The following RALYL variants were observed in gnomAD, a reference collection of about 807,000 sequenced individuals.
RALYL encodes RALY RNA binding protein like.
Under a neutral mutation model 35.1 loss-of-function variants are expected in RALYL, and 29 were observed. The observed-to-expected ratio is 0.83, with a 90% CI of 0.61 to 1.13. The LOEUF is 1.13. Ranked by LOEUF, RALYL falls within the 50% of genes most tolerant of loss-of-function variation. The probability of loss-of-function intolerance (pLI) is 0.00; values close to 1 mark genes in which losing one functional copy is unlikely to be tolerated. For synonymous variants in RALYL, 120 were observed against 127.6 expected, an observed-to-expected ratio of 0.94 and a Z score of 0.40; for missense variants, 359 against 360.4, an observed-to-expected ratio of 1.00 and a Z score of 0.03.
intron 1 of RALYL, among the ~76,000 whole-genome samples, chr8:84,358,864 G>A (rs192309975): frequency 6.6e-6 from 1 of 152,168 alleles, no homozygotes; most frequent in African/African-American, 2.4e-5. Flanking sequence ...AACTATATGT[G>A]AGGTAGTATT....
intron 5 of RALYL, among the ~76,000 whole-genome samples, chr8:84,857,440 A>G (rs1837282553): frequency 6.6e-6 from 1 of 152,282 alleles, no homozygotes; most frequent in Admixed American, 6.5e-5. Context: ...GGTAAATACC[A>G]GAAAATGTTT....
intron 2 of RALYL, among the ~76,000 whole-genome samples, chr8:84,724,010 CAGTG>C (rs1425493027): frequency 6.6e-6 from 1 of 151,692 alleles, no homozygotes; most frequent in Non-Finnish European, 1.5e-5. Context: ...AGTAGGATCT[CAGTG>C]AGTATTTGAT....
At chr8:84,590,100 GACATC>G (rs1812907180) in intron 2 of RALYL, among the ~76,000 whole-genome samples, 1 of 152,094 alleles carries the variant, frequency 6.6e-6, no homozygotes, top group Non-Finnish European at 1.5e-5. Context: ...TCTTTAAAGA[GACATC>G]AGATCATCAA....
chr8:84,619,418 C>G (rs988731756), intron 2 of RALYL, among the ~76,000 whole-genome samples: 1 of 148,756 alleles, frequency 6.7e-6, no homozygotes, highest in African/African-American at 2.5e-5. Flanking sequence ...ATTGCAACCC[C>G]TGCCTTTTTT....
intron 7 of RALYL, among the ~76,000 whole-genome samples, chr8:84,875,605 T>A (rs1298935702): frequency 1.3e-5 from 2 of 152,136 alleles, no homozygotes; most frequent in African/African-American, 4.8e-5. Context: ...AATTTGTAAC[T>A]CCATTCTTTT....
chr8:84,329,370 T>C (rs1260764849), intron 1 of RALYL, among the ~76,000 whole-genome samples: 1 of 152,170 alleles, frequency 6.6e-6, no homozygotes, highest in Non-Finnish European at 1.5e-5. Flanking sequence ...TGTAGAATAT[T>C]TTGTCATGTT....
rs35418321 is a variant in RALYL at position 84,794,840 on chromosome 8, T to C, written c.333-9930T>C. ...CATTCCTGTTGCTACAGTTCATTCC[T>C]CCCTGTAGAATTATGAAAGAACATT... On this transcript the variant is annotated intron_variant, in intron 3 of 8. Transcript: ENST00000521268. Among the ~76,000 whole-genome samples the C allele has an allele frequency of 5.9e-3, 900 of 152,294 alleles. 4 individuals are homozygous for C. Among genetic ancestry groups the C allele is most frequent in the Non-Finnish European group, 9.7e-3 (660 of 68,026 alleles).
intron 1 of RALYL, among the ~76,000 whole-genome samples, chr8:84,204,592 G>T (rs1021725486): frequency 3.3e-5 from 5 of 152,004 alleles, no homozygotes; most frequent in African/African-American, 1.2e-4. Context: ...TTTTCTTGTT[G>T]TTGTTTCTAC....
intron 1 of RALYL, among the ~76,000 whole-genome samples, chr8:84,308,730 C>T (rs1019701395): frequency 2.6e-5 from 4 of 152,066 alleles, no homozygotes; most frequent in Non-Finnish European, 5.9e-5. Context: ...TTAAAATGTA[C>T]TGTCAGAACT....
chr8:84,626,701 G>A (rs1822802227), intron 2 of RALYL, among the ~76,000 whole-genome samples: 1 of 152,134 alleles, frequency 6.6e-6, no homozygotes, highest in Admixed American at 6.6e-5. Flanking sequence ...AACTACTTGA[G>A]AAACTTTGTT....
At chr8:84,745,733 G>C (rs540480104) in intron 2 of RALYL, among the ~76,000 whole-genome samples, 1 of 152,086 alleles carries the variant, frequency 6.6e-6, no homozygotes, top group African/African-American at 2.4e-5. Context: ...TTTGTCTTTG[G>C]CTTTGTTCTA....
At position 84,525,953 on chromosome 8, in the gene RALYL, C is replaced by CTTTTTTTTTTTTT. The variant is rs35794329; in HGVS notation, c.-23-3336_-23-3324dup. 1.5e-3 allele frequency among the ~76,000 whole-genome samples: 153 copies of CTTTTTTTTTTTTT among 104,836 alleles called. 1 individual carries two copies. Among genetic ancestry groups the CTTTTTTTTTTTTT allele is most frequent in the African/African-American group, 2.8e-3 (72 of 26,014 alleles). 68.8% of individuals were successfully genotyped at this position (104,836 alleles called of 152,430 possible). A position where few individuals can be genotyped will look rare whatever the true frequency, so the allele number is the denominator to read the frequency against. The stretch of plus-strand genomic sequence containing the variant: ...ACTTCTATTTTCTCTTTTCTTTTTT[C>CTTTTTTTTTTTTT]TTTTTTTTTTTTTTTTTTTTTTGAG... On this transcript the variant is annotated intron_variant, in intron 1 of 8. Transcript: ENST00000521268.
At chr8:84,538,843 C>T (rs1375678622) in intron 2 of RALYL, among the ~76,000 whole-genome samples, 3 of 152,078 alleles carry the variant, frequency 2.0e-5, no homozygotes, top group Non-Finnish European at 2.9e-5. Context: ...AAACTCAAGG[C>T]ATTACGTAAC....
At chr8:84,186,530 C>A (rs1216121766) in intron 1 of RALYL, among the ~76,000 whole-genome samples, 1 of 152,028 alleles carries the variant, frequency 6.6e-6, no homozygotes, top group Non-Finnish European at 1.5e-5. Context: ...AATGATCGAA[C>A]CTGCATTTTC....
At chr8:84,284,955 C>G (rs1837312033) in intron 1 of RALYL, among the ~76,000 whole-genome samples, 1 of 152,046 alleles carries the variant, frequency 6.6e-6, no homozygotes, top group Non-Finnish European at 1.5e-5. Context: ...TCTATTTAAA[C>G]TACAATATTC....
At chr8:84,618,572 G>T (rs1287815304) in intron 2 of RALYL, among the ~76,000 whole-genome samples, 2 of 116,626 alleles carry the variant, frequency 1.7e-5, no homozygotes, top group East Asian at 2.5e-4. Flanking sequence ...TTTTTGAAGG[G>T]TTTTTTGTGT....
intron 2 of RALYL, among the ~76,000 whole-genome samples, chr8:84,538,335 G>C (rs766471437): frequency 3.9e-5 from 6 of 152,100 alleles, no homozygotes; most frequent in Non-Finnish European, 8.8e-5. Flanking sequence ...TAACTTGCTT[G>C]TTGTTACTTA....
In RALYL at chr8:84,356,598, T is replaced by A. The variant is rs1207022676; in HGVS notation, c.-24+172174T>A. ...TACCTCCAAGACTCCAGAAGATTCATTTATAGGTCTACCCAGCCATGGCCT... is the reference window on the plus strand; with the variant it reads ...TACCTCCAAGACTCCAGAAGATTCAATTATAGGTCTACCCAGCCATGGCCT... On this transcript the variant is annotated intron_variant, in intron 1 of 8. Coordinates refer to ENST00000521268, the MANE Select transcript of RALYL (RefSeq NM_173848.7). Among the ~76,000 whole-genome samples the A allele has an allele frequency of 4.0e-5, 6 of 150,332 alleles. No homozygotes were observed. In the East Asian group the frequency reaches 5.8e-4, roughly 15 times the overall value.
At chr8:84,487,388 T>C (rs1325602182) in intron 1 of RALYL, among the ~76,000 whole-genome samples, 1 of 152,074 alleles carries the variant, frequency 6.6e-6, no homozygotes, top group Non-Finnish European at 1.5e-5. Context: ...TTTAAAAGAA[T>C]TTTTTAATAC....
Sources: gnomAD v4.1 joint callset for allele counts (sites outside exome capture counted in the v4.1 genomes callset) on GRCh38, gnomAD v4.1.1 for gene constraint, MANE v1.5 for transcripts, NCBI Gene and HGNC (gene_info 2026-07-23, HGNC 2026-07-21) for gene names.